Variants in CNTNAP5 observed in about 807,000 individuals in gnomAD.
The protein encoded by CNTNAP5 is contactin-associated protein-like 5.
CNTNAP5 carries 72 observed loss-of-function variants against 150.2 expected under a neutral mutation model. The observed-to-expected ratio is 0.48, with a 90% CI of 0.40 to 0.58. The LOEUF (loss-of-function observed/expected upper bound fraction) is 0.58. Ranked by LOEUF, CNTNAP5 falls within the 20% of genes least tolerant of loss-of-function variation. CNTNAP5 has a pLI of 0.00. For synonymous variants in CNTNAP5, 672 were observed against 619.8 expected, an observed-to-expected ratio of 1.08 and a Z score of -1.25; for missense variants, 1,636 against 1,626.2, an observed-to-expected ratio of 1.01 and a Z score of -0.10.
intron 10 of CNTNAP5, among the ~76,000 whole-genome samples, chr2:124,560,626 G>A (rs1695869929): frequency 8.1e-6 from 1 of 122,726 alleles, no homozygotes; most frequent in South Asian, 2.9e-4. Context: ...TTGAATGTAA[G>A]AGAATCCCAG....
At chr2:124,619,514 A>G (rs1362132987) in intron 12 of CNTNAP5, among the ~76,000 whole-genome samples, 2 of 152,088 alleles carry the variant, frequency 1.3e-5, no homozygotes, top group African/African-American at 2.4e-5. Context: ...TGGCTGGAAC[A>G]TGGTACCTAA....
At chr2:124,498,022 G>A (rs1431042939) in intron 7 of CNTNAP5, among the ~76,000 whole-genome samples, 1 of 152,216 alleles carries the variant, frequency 6.6e-6, no homozygotes, top group East Asian at 1.9e-4. Flanking sequence ...TCAGTCATGA[G>A]ATGATCATGG....
At chr2:124,670,026 C>A (rs1186426081) in intron 13 of CNTNAP5, among the ~76,000 whole-genome samples, 2 of 152,140 alleles carry the variant, frequency 1.3e-5, no homozygotes, top group African/African-American at 4.8e-5. Flanking sequence ...TCACTACTCA[C>A]AGCGAGACCA....
intron 1 of CNTNAP5, among the ~76,000 whole-genome samples, chr2:124,078,426 A>G (rs1194397678): frequency 1.3e-5 from 2 of 152,234 alleles, no homozygotes; most frequent in African/African-American, 4.8e-5. Flanking sequence ...AAGTCTATAA[A>G]CATATTCCTA....
chr2:124,412,088 GACAA>G (rs1468072024), intron 3 of CNTNAP5, among the ~76,000 whole-genome samples: 1 of 124,222 alleles, frequency 8.1e-6, no homozygotes, highest in Non-Finnish European at 1.8e-5. Flanking sequence ...ACCAATAACA[GACAA>G]ACAGAGAGCC....
intron 13 of CNTNAP5, among the ~76,000 whole-genome samples, chr2:124,712,347 T>G (rs557175799): frequency 6.6e-6 from 1 of 152,340 alleles, no homozygotes. Context: ...ACAGCATAAT[T>G]ATTCTCATTT....
chr2:124,522,037 A>G (rs1694857528), intron 8 of CNTNAP5, among the ~76,000 whole-genome samples: 2 of 152,166 alleles, frequency 1.3e-5, no homozygotes, highest in Admixed American at 1.3e-4. Context: ...ATCTGGCTGA[A>G]AACACATCAG....
chr2:124,355,014 G>A (rs1689961493), intron 3 of CNTNAP5, among the ~76,000 whole-genome samples: 1 of 151,340 alleles, frequency 6.6e-6, no homozygotes. Flanking sequence ...CAGGTCCATG[G>A]TCTCCATGTC....
chr2:124,630,782 A>C (rs1317561391), intron 12 of CNTNAP5, among the ~76,000 whole-genome samples: 1 of 152,110 alleles, frequency 6.6e-6, no homozygotes, highest in Non-Finnish European at 1.5e-5. Flanking sequence ...AGAGGAAATC[A>C]ATGTCTTTGT....
At chr2:124,441,138 A>G (rs1026037379) in intron 5 of CNTNAP5, among the ~76,000 whole-genome samples, 3 of 152,076 alleles carry the variant, frequency 2.0e-5, no homozygotes, top group African/African-American at 7.2e-5. Flanking sequence ...ACTTGTTTTG[A>G]TATAAGATAT....
intron 19 of CNTNAP5, among the ~76,000 whole-genome samples, chr2:124,848,874 T>C (rs1683101663): frequency 6.6e-6 from 1 of 152,222 alleles, no homozygotes; most frequent in East Asian, 1.9e-4. Flanking sequence ...GAGTTCTTTA[T>C]ATATTTTGGA....
chr2:124,044,006 T>C (rs542946519), intron 1 of CNTNAP5, among the ~76,000 whole-genome samples: 88 of 152,316 alleles, frequency 5.8e-4, no homozygotes, highest in African/African-American at 2.0e-3. Flanking sequence ...AGTATGACTG[T>C]CCTCTAAATC....
intron 10 of CNTNAP5, among the ~76,000 whole-genome samples, chr2:124,557,421 T>C (rs1304644127): frequency 6.6e-6 from 1 of 151,916 alleles, no homozygotes; most frequent in Non-Finnish European, 1.5e-5. Context: ...TAATAGTAAA[T>C]GGGTGAAGGC....
chr2:124,217,412 G>A (rs1329127052), intron 1 of CNTNAP5, among the ~76,000 whole-genome samples: 1 of 152,146 alleles, frequency 6.6e-6, no homozygotes, highest in Non-Finnish European at 1.5e-5. Context: ...TTGAAGGAGA[G>A]CACAGGTTTG....
At chr2:124,507,735 AGTCCC>A (rs1694448089) in intron 8 of CNTNAP5, among the ~76,000 whole-genome samples, 8 of 152,280 alleles carry the variant, frequency 5.3e-5, no homozygotes, top group Admixed American at 5.2e-4. Flanking sequence ...TACAGATGCA[AGTCCC>A]CCACAAAAGA....
chr2:124,808,403 C>A (rs1256425972), intron 19 of CNTNAP5, among the ~76,000 whole-genome samples: 1 of 152,000 alleles, frequency 6.6e-6, no homozygotes, highest in Non-Finnish European at 1.5e-5. Flanking sequence ...GCCTGGCCAA[C>A]ATGGTGAAAC....
chr2:124,546,511 C>T (rs1438642969), intron 10 of CNTNAP5, among the ~76,000 whole-genome samples: 1 of 152,084 alleles, frequency 6.6e-6, no homozygotes, highest in East Asian at 1.9e-4. Flanking sequence ...ACATAAGGAG[C>T]TTTTGGAAAT....
chr2:124,762,604 T>G (rs1480138320), intron 14 of CNTNAP5, among the ~76,000 whole-genome samples: 1 of 152,156 alleles, frequency 6.6e-6, no homozygotes, highest in Non-Finnish European at 1.5e-5. Context: ...AGATATTATC[T>G]CCATTTTAAA....
At chr2:124,495,780 G>A (rs1558927191) in intron 7 of CNTNAP5, among the ~76,000 whole-genome samples, 3 of 151,844 alleles carry the variant, frequency 2.0e-5, no homozygotes, top group South Asian at 2.1e-4. Flanking sequence ...TGTCCTTTCC[G>A]GTTTTCTCTT....
Sources: gnomAD v4.1 joint callset for allele counts (sites outside exome capture counted in the v4.1 genomes callset) on GRCh38, gnomAD v4.1.1 for gene constraint, MANE v1.5 for transcripts, NCBI Gene and HGNC (gene_info 2026-07-23, HGNC 2026-07-21) for gene names.